Variants in MAP1B observed in about 807,000 individuals in gnomAD.
MAP1B encodes microtubule-associated protein 1B.
In MAP1B, 12 loss-of-function variants were observed where a neutral mutation model predicts 176.1. That is an observed-to-expected ratio of 0.07 (90% confidence interval 0.04 to 0.11). The LOEUF (loss-of-function observed/expected upper bound fraction) is 0.11. Among genes scored for constraint, MAP1B ranks in the 10% least tolerant of loss-of-function variants. MAP1B has a pLI of 1.00. For missense variants in MAP1B, 2,523 were observed against 2,990.5 expected, an observed-to-expected ratio of 0.84 and a Z score of 3.65; for synonymous variants, 1,044 against 1,135.0, an observed-to-expected ratio of 0.92 and a Z score of 1.61.
chr5:72,183,828 A>G lies in MAP1B; in HGVS notation c.369+3A>G, dbSNP rs1293866589. Reference sequence around the variant, plus strand: ...CTGATGAAGCAGTCAGCACCGAGGTAAGCATTCAGCTCTGTAGAATCTGGG... The same window carrying G: ...CTGATGAAGCAGTCAGCACCGAGGTGAGCATTCAGCTCTGTAGAATCTGGG... On this transcript the variant is annotated splice_donor_region_variant and intron_variant, in intron 3 of 6. Transcript: ENST00000296755. 6.2e-7 allele frequency: 1 copy of G among 1,613,602 alleles called. No homozygotes were observed. Among genetic ancestry groups the G allele is most frequent in the Non-Finnish European group, 8.5e-7 (1 of 1,179,582 alleles).
At chr5:72,155,685 G>GT (rs1746214731) in intron 2 of MAP1B, among the ~76,000 whole-genome samples, 1 of 151,592 alleles carries the variant, frequency 6.6e-6, no homozygotes, top group African/African-American at 2.4e-5. Context: ...TTTGTTAACA[G>GT]TTTCCTCTCT....
intron 2 of MAP1B, among the ~76,000 whole-genome samples, chr5:72,121,253 G>T (rs953195020): frequency 6.6e-6 from 1 of 152,214 alleles, no homozygotes; most frequent in East Asian, 1.9e-4. Context: ...TTCTACACTC[G>T]CTTTTCTCTT....
rs768726691 is a variant in MAP1B at position 72,208,213 on chromosome 5, G to A, written c.*2974G>A. On this transcript the variant is annotated 3_prime_UTR_variant, in exon 7 of 7. Coordinates refer to ENST00000296755, the MANE Select transcript of MAP1B (RefSeq NM_005909.5). ...TGCTAGTTCCATAAATACACGATTA[G>A]TTTAGTAACAGCCATCACAATGTAC... 1 of 152,102 alleles carries A rather than the reference G, an allele frequency of 6.6e-6. No homozygotes were observed. Among genetic ancestry groups the A allele is most frequent in the Non-Finnish European group, 1.5e-5 (1 of 68,014 alleles). 9.4% of individuals were successfully genotyped at this position (152,102 alleles called of 1,614,324 possible).
chr5:72,114,518 T>C (rs548474317), intron 1 of MAP1B, among the ~76,000 whole-genome samples: 16 of 152,352 alleles, frequency 1.1e-4, no homozygotes, highest in Middle Eastern at 3.4e-3. Flanking sequence ...TTCCTGGCAA[T>C]TGAGAATGCT....
chr5:72,202,556 G>A (rs62363241), intron 5 of MAP1B, among the ~76,000 whole-genome samples: 9,622 of 152,242 alleles, frequency 0.063, 421 homozygotes, highest in Middle Eastern at 0.13. Context: ...TCTAGCTGGT[G>A]TTTTAATTGG....
At chr5:72,140,879 C>T (rs1745935718) in intron 2 of MAP1B, among the ~76,000 whole-genome samples, 1 of 152,168 alleles carries the variant, frequency 6.6e-6, no homozygotes, top group South Asian at 2.1e-4. Context: ...TCTGAATCCC[C>T]ATCTCAGGGT....
At chr5:72,164,648 G>A (rs1746392472) in intron 2 of MAP1B, among the ~76,000 whole-genome samples, 1 of 152,140 alleles carries the variant, frequency 6.6e-6, no homozygotes, top group Admixed American at 6.5e-5. Flanking sequence ...AGGGTAACCA[G>A]GGAACCAGCG....
At chr5:72,147,229 A>G (rs1029845646) in intron 2 of MAP1B, among the ~76,000 whole-genome samples, 2 of 152,056 alleles carry the variant, frequency 1.3e-5, no homozygotes, top group African/African-American at 4.8e-5. Flanking sequence ...TCGGCCTCCC[A>G]AAGTGCTGGG....
intron 2 of MAP1B, among the ~76,000 whole-genome samples, chr5:72,174,366 C>G (rs13182586): frequency 0.59 from 89,807 of 152,062 alleles, 26,739 homozygotes; most frequent in East Asian, 0.81. Context: ...GGTAGTGTTA[C>G]TATTTTAGTA....
At chr5:72,172,434 G>C (rs1249605370) in intron 2 of MAP1B, among the ~76,000 whole-genome samples, 1 of 150,506 alleles carries the variant, frequency 6.6e-6, no homozygotes, top group Admixed American at 6.6e-5. Context: ...CTTTTTTTTT[G>C]GTTTTCTTTT....
intron 2 of MAP1B, among the ~76,000 whole-genome samples, chr5:72,122,975 C>T (rs1200064888): frequency 6.6e-6 from 1 of 152,058 alleles, no homozygotes; most frequent in Non-Finnish European, 1.5e-5. Context: ...TTTAAGTATG[C>T]AGCAACAGCA....
intron 2 of MAP1B, among the ~76,000 whole-genome samples, chr5:72,161,914 G>A (rs925153897): frequency 5.9e-5 from 8 of 136,568 alleles, no homozygotes; most frequent in East Asian, 2.1e-4. Flanking sequence ...CCGAGATCGC[G>A]CCACTACACT....
chr5:72,155,743 AATTG>A (rs1746216675), intron 2 of MAP1B, among the ~76,000 whole-genome samples: 1 of 151,162 alleles, frequency 6.6e-6, no homozygotes, highest in Non-Finnish European at 1.5e-5. Context: ...TACAAGAGGT[AATTG>A]ATTGATTGAT....
At chr5:72,116,474 C>A (rs1018328238) in intron 2 of MAP1B, 2 of 413,628 alleles carry the variant, frequency 4.8e-6, no homozygotes, top group Non-Finnish European at 4.7e-6. Flanking sequence ...AAAAATTTGT[C>A]ATATGTGAAG....
chr5:72,181,865 C>T (rs1746773439), intron 2 of MAP1B, among the ~76,000 whole-genome samples: 1 of 151,830 alleles, frequency 6.6e-6, no homozygotes, highest in Non-Finnish European at 1.5e-5. Flanking sequence ...GCTGGGATTA[C>T]AGGTGCACAT....
At position 72,197,320 on chromosome 5, in the gene MAP1B, C is replaced by T. The variant is rs1270459074; in HGVS notation, c.3965C>T (p.Ser1322Leu). The stretch of plus-strand genomic sequence containing the variant: ...GAGGACAAGACTCTGGAAGTGGTGT[C>T]ACCATCTCAGTCCGTGACTGGCAGT... ...SPEDKTLEVV[S>L]PSQSVTGSAG... Residue 1322 changes from serine to leucine, a missense_variant, in exon 5 of 7, where the codon TCA becomes TTA. Transcript: ENST00000296755. 1.2e-6 allele frequency: 2 copies of T among 1,614,182 alleles called. No homozygotes were observed. The highest frequency in any genetic ancestry group is 1.7e-6 in the Non-Finnish European group (2 of 1,180,028).
At chr5:72,152,612 A>G (rs543332125) in intron 2 of MAP1B, among the ~76,000 whole-genome samples, 1 of 152,232 alleles carries the variant, frequency 6.6e-6, no homozygotes, top group Admixed American at 6.5e-5. Flanking sequence ...ACGCGCAGCC[A>G]GTTTCTGTAT....
intron 2 of MAP1B, among the ~76,000 whole-genome samples, chr5:72,178,222 C>A (rs2112203507): frequency 6.6e-6 from 1 of 152,274 alleles, no homozygotes; most frequent in Non-Finnish European, 1.5e-5. Flanking sequence ...AGGCTGGTCT[C>A]AAACTCCTGA....
Position 72,199,873 on chromosome 5 carries a change from C to T in MAP1B, c.6518C>T (p.Thr2173Met). The change falls in exon 5 of 7, where the codon ACG becomes ATG. Residue 2173 changes from threonine to methionine, a missense_variant. Physicochemically the swap from Thr to Met is moderately conservative, Grantham distance 81. Transcript: ENST00000296755. The surrounding 1 kb of genome is among the most constrained non-coding windows in gnomAD (Gnocchi z 4.2). ...PPETEECPSI[T>M]ADANIDSEDE... ...GAGACTGAAGAGTGCCCCTCCATCA[C>T]GGCCGATGCCAATATCGACTCTGAA... The T allele has an allele frequency of 1.9e-6, 3 of 1,614,200 alleles. No individual in the cohort carries two copies. The highest frequency in any genetic ancestry group is 1.1e-5 in the South Asian group (1 of 91,086).
Sources: gnomAD v4.1 joint callset for allele counts (sites outside exome capture counted in the v4.1 genomes callset) on GRCh38, gnomAD v4.1.1 for gene constraint, Gnocchi (gnomAD v3.1) non-coding constraint, MANE v1.5 for transcripts, NCBI Gene and HGNC (gene_info 2026-07-23, HGNC 2026-07-21) for gene names.